CHD2: variants seen among roughly 807,000 people sequenced by gnomAD.
The protein encoded by CHD2 is ATP-dependent chromatin remodeler CHD2.
CHD2 carries 28 observed loss-of-function variants against 243.9 expected under a neutral mutation model. The observed-to-expected ratio is 0.11, with a 90% CI of 0.09 to 0.16. The LOEUF is 0.16. CHD2 is among the 10% of genes least tolerant of loss of function. The pLI is 1.00. For synonymous variants in CHD2, 775 were observed against 779.0 expected, an observed-to-expected ratio of 0.99 and a Z score of 0.09; for missense variants, 1,386 against 2,209.8, an observed-to-expected ratio of 0.63 and a Z score of 7.47.
intron 15 of CHD2, among the ~76,000 whole-genome samples, chr15:92,955,984 A>C (rs1254766787): frequency 1.3e-5 from 2 of 152,210 alleles, no homozygotes; most frequent in African/African-American, 2.4e-5. Context: ...CAAAAATAAG[A>C]AGCTCTTTAA....
Position 92,992,530 on chromosome 15 carries a change from G to C in CHD2, c.3456-329G>C, listed in dbSNP as rs376084626. Among the ~76,000 whole-genome samples, 18 of 152,292 alleles carry C rather than the reference G, an allele frequency of 1.2e-4. No individual in the cohort carries two copies. In the East Asian group the frequency reaches 2.3e-3, roughly 20 times the overall value. On this transcript the variant is annotated intron_variant, in intron 27 of 38. Transcript: ENST00000394196. Reference sequence around the variant, plus strand: ...AACACAAAAGAAGCAAGCTAGTACGGATGGTGTTCAGGCACTTCACCTGCT... The same window carrying C: ...AACACAAAAGAAGCAAGCTAGTACGCATGGTGTTCAGGCACTTCACCTGCT...
rs1016998514 is a variant in CHD2 at position 92,998,773 on chromosome 15, T to G, written c.4008+152T>G. The G allele has an allele frequency of 1.1e-5, 11 of 964,284 alleles. No individual in the cohort carries two copies. The African/African-American group carries it at 1.8e-4, about 16-fold the overall frequency. The allele number at this position is 964,284 out of a possible 1,614,324, so 59.7% of individuals were successfully genotyped here. ...TTTTGAGGTTCCAGTAATGATGCTT[T>G]GCTTGGTAATAATAGAAATGTTCAT... On this transcript the variant is annotated intron_variant, in intron 31 of 38. Transcript: ENST00000394196. The surrounding 1 kb of genome is among the most constrained non-coding windows in gnomAD (Gnocchi z 5.1).
intron 5 of CHD2, among the ~76,000 whole-genome samples, chr15:92,934,936 A>G (rs1038371215): frequency 6.6e-6 from 1 of 151,906 alleles, no homozygotes; most frequent in East Asian, 1.9e-4. Context: ...GGTTGGTGAT[A>G]TGGCCAAGCA....
At position 92,943,014 on chromosome 15, in the gene CHD2, A is replaced by T. The variant is rs1309227037; in HGVS notation, c.998A>T (p.Lys333Met). The T allele has an allele frequency of 6.2e-7, 1 of 1,613,998 alleles. No individual in the cohort carries two copies. The highest frequency in any genetic ancestry group is 1.3e-5 in the African/African-American group (1 of 74,940). The change falls in exon 9 of 39, where the codon AAG becomes ATG. Residue 333 changes from lysine to methionine, a missense_variant. Transcript: ENST00000394196. ...GAATCCTTACAGCAACAGAAAGTGAAGGGCCTAAAAAAACTAGAGAACTTC... is the reference window on the plus strand; with the variant it reads ...GAATCCTTACAGCAACAGAAAGTGATGGGCCTAAAAAAACTAGAGAACTTC... ...SEESLQQQKVKGLKKLENFKK... is the reference protein window; with the variant it reads ...SEESLQQQKVMGLKKLENFKK...
At chr15:92,963,231 T>G (rs1267814469) in intron 16 of CHD2, among the ~76,000 whole-genome samples, 1 of 152,352 alleles carries the variant, frequency 6.6e-6, no homozygotes, top group East Asian at 1.9e-4. Context: ...GTTTTCCATA[T>G]GTCTTACATC....
intron 36 of CHD2, among the ~76,000 whole-genome samples, chr15:93,013,048 C>T (rs540547887): frequency 6.6e-6 from 1 of 152,342 alleles, no homozygotes; most frequent in South Asian, 2.1e-4. Context: ...ACTAATGCGT[C>T]AGCTCCATGA....
rs138207253 is a variant in CHD2 at position 92,988,445 on chromosome 15, T to G, written c.3413+2772T>G. Among the ~76,000 whole-genome samples the G allele has an allele frequency of 4.2e-3, 639 of 152,354 alleles. 3 individuals are homozygous for G. The highest frequency in any genetic ancestry group is 9.9e-3 in the South Asian group (48 of 4,828). Reference sequence around the variant, plus strand: ...AAGAGTTACAAAAATGCATGTATACTGTTTTTATATTTACTTACTCTATTA... The same window carrying G: ...AAGAGTTACAAAAATGCATGTATACGGTTTTTATATTTACTTACTCTATTA... On this transcript the variant is annotated intron_variant, in intron 26 of 38. Transcript: ENST00000394196.
rs114109240 is a variant in CHD2 at position 92,982,671 on chromosome 15, T to C, written c.3066+1214T>C. Among the ~76,000 whole-genome samples, 395 of 152,208 alleles carry C rather than the reference T, an allele frequency of 2.6e-3. 4 individuals are homozygous for C. Among genetic ancestry groups the C allele is most frequent in the African/African-American group, 9.0e-3 (375 of 41,518 alleles). ...GCTAAGTGTAGTATGCCCATTAGGA[T>C]TGAATTGAATTAGGGGAAATTGTGT... On this transcript the variant is annotated intron_variant, in intron 24 of 38. Coordinates refer to ENST00000394196, the MANE Select transcript of CHD2 (RefSeq NM_001271.4).
intron 28 of CHD2, among the ~76,000 whole-genome samples, chr15:92,995,245 T>C (rs1482589950): frequency 1.3e-5 from 2 of 152,222 alleles, no homozygotes; most frequent in African/African-American, 4.8e-5. Context: ...ATAGTTAGAC[T>C]CTTTTGTTTT....
At chr15:92,910,874 C>G (rs895265801) in intron 2 of CHD2, among the ~76,000 whole-genome samples, 2 of 152,166 alleles carry the variant, frequency 1.3e-5, no homozygotes, top group African/African-American at 2.4e-5. Flanking sequence ...GTATGAACAT[C>G]TCACACAAAC....
chr15:93,020,046 C>T lies in CHD2; in HGVS notation c.4941C>T (p.Asn1647=), dbSNP rs1161487399. The part of the protein sequence containing the change: ...RGDWQRERKF[N]YGGGNNNPPW... ...ACTGGCAGAGGGAAAGAAAGTTCAA[C>T]TATGGTGGTGGCAACAACAATCCAC... Residue 1647 remains asparagine (N), a synonymous_variant, in exon 38 of 39, where the codon AAC becomes AAT. Transcript: ENST00000394196. 7.4e-6 allele frequency: 12 copies of T among 1,613,912 alleles called. No homozygotes were observed. Among genetic ancestry groups the T allele is most frequent in the Admixed American group, 3.3e-5 (2 of 60,006 alleles).
At chr15:92,971,178 C>T (rs2053836038) in intron 17 of CHD2, among the ~76,000 whole-genome samples, 1 of 152,146 alleles carries the variant, frequency 6.6e-6, no homozygotes, top group Admixed American at 6.5e-5. Context: ...GGTTGAGTCT[C>T]TTATCAAAAA....
At chr15:93,013,732 C>G (rs1352296233) in intron 36 of CHD2, among the ~76,000 whole-genome samples, 3 of 151,830 alleles carry the variant, frequency 2.0e-5, no homozygotes, top group Admixed American at 6.6e-5. Context: ...GCCGAGAGTT[C>G]GAGACCAGCC....
intron 5 of CHD2, among the ~76,000 whole-genome samples, chr15:92,932,797 G>A (rs1312859658): frequency 2.0e-5 from 3 of 151,902 alleles, no homozygotes; most frequent in Admixed American, 6.5e-5. Flanking sequence ...TCGCTCTGTC[G>A]CCCAGGCTGG....
chr15:92,901,904 G>T, intron 2 of CHD2: 2 of 326,250 alleles, frequency 6.1e-6, no homozygotes, highest in Non-Finnish European at 5.5e-6. Context: ...AGGAAATTTT[G>T]ATGTGATTTA....
intron 15 of CHD2, among the ~76,000 whole-genome samples, chr15:92,955,866 A>C (rs2053611816): frequency 6.6e-6 from 1 of 152,222 alleles, no homozygotes; most frequent in Non-Finnish European, 1.5e-5. Flanking sequence ...CAGTCATTGG[A>C]TGCCATCTCA....
At chr15:92,933,350 T>C (rs1040466884) in intron 5 of CHD2, among the ~76,000 whole-genome samples, 1 of 152,226 alleles carries the variant, frequency 6.6e-6, no homozygotes, top group East Asian at 1.9e-4. Flanking sequence ...AATTTGGTAA[T>C]GCTGGCTTAT....
chr15:92,971,619 T>C, intron 17 of CHD2, 146 bp from the exon 18 acceptor site: 1 of 537,986 alleles, frequency 1.9e-6, no homozygotes, highest in East Asian at 3.2e-5. Flanking sequence ...TGGCAGGAGA[T>C]ACAAAAGAAA....
rs191767513 is a variant in CHD2 at position 92,957,779 on chromosome 15, T to A, written c.2000+1130T>A. On this transcript the variant is annotated intron_variant, in intron 16 of 38. Transcript: ENST00000394196. Reference sequence around the variant, plus strand: ...CATCATTGTCCAGTTTTGGAACATTTTCCTCATCCCAAAAAGTTCCCCCTT... The same window carrying A: ...CATCATTGTCCAGTTTTGGAACATTATCCTCATCCCAAAAAGTTCCCCCTT... Among the ~76,000 whole-genome samples the A allele has an allele frequency of 5.8e-3, 889 of 152,276 alleles. 7 individuals carry two copies. Among genetic ancestry groups the A allele is most frequent in the Non-Finnish European group, 6.5e-3 (439 of 68,016 alleles).
Sources: allele counts gnomAD v4.1 joint callset (sites outside exome capture counted in the v4.1 genomes callset), GRCh38; gene constraint gnomAD v4.1.1; non-coding constraint Gnocchi (gnomAD v3.1); transcripts MANE v1.5; gene names NCBI Gene and HGNC (gene_info 2026-07-23, HGNC 2026-07-21).